CAMTA2: variants seen among roughly 807,000 people sequenced by gnomAD.
CAMTA2 encodes calmodulin-binding transcription activator 2.
CAMTA2 carries 56 observed loss-of-function variants against 135.7 expected under a neutral mutation model. The ratio of observed to expected loss-of-function variants is 0.41; its 90% CI spans 0.33 to 0.52. The LOEUF is 0.52. CAMTA2 is among the 20% of genes least tolerant of loss of function. The pLI is 0.16. For missense variants in CAMTA2, 1,358 were observed against 1,553.4 expected, an observed-to-expected ratio of 0.87 and a Z score of 2.11; for synonymous variants, 591 against 604.6, an observed-to-expected ratio of 0.98 and a Z score of 0.33.
intron 16 of CAMTA2, among the ~76,000 whole-genome samples, chr17:4,970,808 C>A (rs1017137428): frequency 2.0e-5 from 3 of 152,238 alleles, no homozygotes; most frequent in Admixed American, 2.0e-4. Context: ...CCCTTTCAGG[C>A]CAACCATCCA....
chr17:4,972,448 G>T lies in CAMTA2; in HGVS notation c.2592C>A (p.Pro864=), dbSNP rs758145052. Residue 864 remains proline, a synonymous_variant, in exon 16 of 23, where the codon CCC becomes CCA. Coordinates refer to ENST00000348066, the MANE Select transcript of CAMTA2 (RefSeq NM_015099.4). ...CAGAGGCTGGCAGAGGTGCAGGGGG[G>T]GGACTGCCATCTGGGGCACTAGAAT... The part of the protein sequence containing the change: ...SAYSSAPDGS[P]PPAPLPASEM... The T allele has an allele frequency of 1.2e-5, 20 of 1,613,532 alleles. No homozygotes were observed. Among genetic ancestry groups the T allele is most frequent in the Non-Finnish European group, 1.4e-5 (17 of 1,179,774 alleles).
Position 4,982,148 on chromosome 17 carries a change from A to AG in CAMTA2, c.351dup (p.Cys118LeufsTer23). 7.3e-7 allele frequency: 1 copy of AG among 1,363,086 alleles called. No homozygotes were observed. Among genetic ancestry groups the AG allele is most frequent in the Non-Finnish European group, 9.9e-7 (1 of 1,007,614 alleles). The allele number at this position is 1,363,086 out of a possible 1,614,324, so 84.4% of individuals were successfully genotyped here. A position where few individuals can be genotyped will look rare whatever the true frequency, so the allele number is the denominator to read the frequency against. Reference sequence around the variant, plus strand: ...GGGACGATGGAAGAGTGAACGTAGCAGCCATAGAGACACTGCCAGGAGACA... The same window carrying AG: ...GGGACGATGGAAGAGTGAACGTAGCAGGCCATAGAGACACTGCCAGGAGACA... On this transcript the variant is annotated frameshift_variant, in exon 6 of 23. Transcript: ENST00000348066. LOFTEE classifies it high-confidence loss of function.
chr17:4,984,534 C>T (rs908429574), intron 3 of CAMTA2, among the ~76,000 whole-genome samples: 6 of 152,240 alleles, frequency 3.9e-5, no homozygotes, highest in South Asian at 2.1e-4. Flanking sequence ...CCTTCCTAAA[C>T]GCTCTATAGC....
At chr17:4,976,998 A>G in intron 11 of CAMTA2, 60 bp downstream of exon 11, 1 of 1,587,126 alleles carries the variant, frequency 6.3e-7, no homozygotes. Flanking sequence ...GTGGTCTAGG[A>G]GCATGTCATG....
In CAMTA2 at chr17:4,982,742, A is replaced by G. The variant is rs238232; in HGVS notation, c.339+15T>C. 0.79 allele frequency: 1,268,671 copies of G among 1,613,066 alleles called. 506,371 individuals are homozygous for G. The highest frequency in any genetic ancestry group is 0.94 in the African/African-American group (70,181 of 74,990). ...GCAGGCTCGGGAAGATGAGCTGAAT[A>G]TCTGACTCTCTTACCTCCATGCCCT... On this transcript the variant is annotated intron_variant, in intron 5 of 22. Transcript: ENST00000348066.
chr17:4,976,079 C>T (rs543160189), intron 11 of CAMTA2, among the ~76,000 whole-genome samples: 1 of 152,252 alleles, frequency 6.6e-6, no homozygotes, highest in Non-Finnish European at 1.5e-5. Flanking sequence ...AATCTTGGCT[C>T]ATTGCAACTT....
At chr17:4,984,245 T>G (rs1973135117) in intron 3 of CAMTA2, among the ~76,000 whole-genome samples, 1 of 152,224 alleles carries the variant, frequency 6.6e-6, no homozygotes, top group Non-Finnish European at 1.5e-5. Flanking sequence ...CCACTGTGCC[T>G]GGCAGGAGTT....
In CAMTA2 at chr17:4,969,086, G is replaced by C. The variant is rs905690899; in HGVS notation, c.3470+64C>G. 1.9e-6 allele frequency: 3 copies of C among 1,582,068 alleles called. No individual in the cohort carries two copies. The highest frequency in any genetic ancestry group is 1.4e-5 in the African/African-American group (1 of 73,970). ...GGCAGTGAGGCATGATGATCAAGAG[G>C]ATGAGTAAGGGGGAATGGCGTGGAT... On this transcript the variant is annotated intron_variant, in intron 21 of 22. Coordinates refer to ENST00000348066, the MANE Select transcript of CAMTA2 (RefSeq NM_015099.4). This position sits in a 1 kb window ranked among gnomAD's most constrained non-coding sequence, Gnocchi z 5.6.
chr17:4,976,982 C>A, intron 11 of CAMTA2, 76 bp downstream of exon 11: 1 of 1,445,060 alleles, frequency 6.9e-7, no homozygotes, highest in Non-Finnish European at 9.4e-7. Context: ...GCCACCTGAA[C>A]CCTGAGTGGT....
intron 12 of CAMTA2, 171 bp downstream of exon 12, chr17:4,974,214 C>A: frequency 1.7e-6 from 1 of 599,864 alleles, no homozygotes. Context: ...CCAGAATAGC[C>A]ACTCTTGCCA....
Position 4,980,139 on chromosome 17 carries a change from C to T in CAMTA2, c.1183G>A (p.Gly395Arg), listed in dbSNP as rs1972869048. 2 of 1,595,114 alleles carry T rather than the reference C, an allele frequency of 1.3e-6. No homozygotes were observed. Among genetic ancestry groups the T allele is most frequent in the East Asian group, 2.2e-5 (1 of 44,720 alleles). ...GCCTCGGGGAAGTCTGGGCTTACTCCCTGCCCCCCTCCATATGTCTGGCCC... is the reference window on the plus strand; with the variant it reads ...GCCTCGGGGAAGTCTGGGCTTACTCTCTGCCCCCCTCCATATGTCTGGCCC... ...QRGQTYGGGQ[G>R]VSPDFPEAEA... Residue 395 changes from glycine to arginine, a missense_variant, in exon 9 of 23, where the codon GGA (glycine) becomes AGA (arginine). Around this residue, in one of 4 missense-constraint regions of CAMTA2, gnomAD observed 1,077 missense variants for 1,127.5 expected, o/e 0.96. Coordinates refer to ENST00000348066, the MANE Select transcript of CAMTA2 (RefSeq NM_015099.4). This position sits in a 1 kb window ranked among gnomAD's most constrained non-coding sequence, Gnocchi z 5.3.
rs755045273 is a variant in CAMTA2 at position 4,972,443 on chromosome 17, G to T, written c.2597C>A (p.Pro866His). The stretch of plus-strand genomic sequence containing the variant: ...CATCTCAGAGGCTGGCAGAGGTGCA[G>T]GGGGGGGACTGCCATCTGGGGCACT... The part of the protein sequence containing the change: ...YSSAPDGSPP[P>H]APLPASEMTM... The change falls in exon 16 of 23, where the codon CCT (proline) becomes CAT (histidine). Residue 866 changes from proline to histidine, a missense_variant. Physicochemically the swap from Pro to His is moderately conservative, Grantham distance 77. Coordinates refer to ENST00000348066, the MANE Select transcript of CAMTA2 (RefSeq NM_015099.4). The T allele has an allele frequency of 6.2e-7, 1 of 1,609,144 alleles. No homozygotes were observed.
rs1350799728 is a variant in CAMTA2, at chr17:4,978,627, CACCCTGCAGACAGA to C, written c.1639-11_1641del. 6.2e-7 allele frequency: 1 copy of C among 1,612,312 alleles called. No individual in the cohort carries two copies. The highest frequency in any genetic ancestry group is 8.5e-7 in the Non-Finnish European group (1 of 1,178,878). ...GGACCTGTGATGAGCACCTTGACCC[CACCCTGCAGACAGA>C]AGTCAGAGACCATGTGACTGGAGTT... On this transcript the variant is annotated splice_acceptor_variant and splice_polypyrimidine_tract_variant and coding_sequence_variant and intron_variant, in exon 10 of 23. Coordinates refer to ENST00000348066, the MANE Select transcript of CAMTA2 (RefSeq NM_015099.4). LOFTEE classifies it high-confidence loss of function.
intron 11 of CAMTA2, among the ~76,000 whole-genome samples, chr17:4,976,635 A>T (rs1360420865): frequency 6.6e-6 from 1 of 152,150 alleles, no homozygotes; most frequent in Non-Finnish European, 1.5e-5. Context: ...CAGGAGGTGG[A>T]GGTTGCAGTG....
In CAMTA2 at chr17:4,977,045, G is replaced by A. The variant is rs1317296035; in HGVS notation, c.1900+13C>T. 1 of 1,614,010 alleles carries A rather than the reference G, an allele frequency of 6.2e-7. No homozygotes were observed. Among genetic ancestry groups the A allele is most frequent in the Non-Finnish European group, 8.5e-7 (1 of 1,179,912 alleles). ...TGGGCTGGATACTTGGGTTCAGAGG[G>A]CTGGGTACTCACCGTCCAGTGACAG... is the stretch of plus-strand genomic sequence containing the variant. On this transcript the variant is annotated intron_variant, in intron 11 of 22. Transcript: ENST00000348066.
intron 10 of CAMTA2, 119 bp from the exon 11 acceptor site, chr17:4,977,311 A>G: frequency 7.6e-7 from 1 of 1,311,634 alleles, no homozygotes; most frequent in South Asian, 1.5e-5. Flanking sequence ...CTGTGGGCCA[A>G]GAGGCCCCTG....
intron 9 of CAMTA2, among the ~76,000 whole-genome samples, chr17:4,979,213 A>T (rs55988055): frequency 0.093 from 14,107 of 152,106 alleles, 817 homozygotes; most frequent in Middle Eastern, 0.13. Context: ...CACTCTACAT[A>T]AAAAAAGAGA....
chr17:4,969,027 C>T lies in CAMTA2; in HGVS notation c.3471-46G>A. ...TGGACCTCACAGAAGGCATCGCATGCCTTCGGCCCCCCCAGGAACCCTAGG... is the reference window on the plus strand; with the variant it reads ...TGGACCTCACAGAAGGCATCGCATGTCTTCGGCCCCCCCAGGAACCCTAGG... On this transcript the variant is annotated intron_variant, in intron 21 of 22. Coordinates refer to ENST00000348066, the MANE Select transcript of CAMTA2 (RefSeq NM_015099.4). The surrounding 1 kb of genome is among the most constrained non-coding windows in gnomAD (Gnocchi z 5.6). 1 of 1,600,522 alleles carries T rather than the reference C, an allele frequency of 6.2e-7. No homozygotes were observed. Among genetic ancestry groups the T allele is most frequent in the East Asian group, 2.2e-5 (1 of 44,806 alleles).
chr17:4,973,877 C>G (rs762215623), intron 12 of CAMTA2, 108 bp from the exon 13 acceptor site: 5 of 842,978 alleles, frequency 5.9e-6, no homozygotes, highest in East Asian at 2.7e-5. Flanking sequence ...TTGCCCCCTC[C>G]CCACATGTCC....
Sources: gnomAD v4.1 joint callset for allele counts (sites outside exome capture counted in the v4.1 genomes callset) on GRCh38, gnomAD v4.1.1 for gene constraint, gnomAD v4.1.1 regional missense constraint, Gnocchi (gnomAD v3.1) non-coding constraint, MANE v1.5 for transcripts, NCBI Gene and HGNC (gene_info 2026-07-23, HGNC 2026-07-21) for gene names.